MICU1: variants seen among roughly 807,000 people sequenced by gnomAD.
MICU1 encodes the protein calcium uptake protein 1, mitochondrial.
In MICU1, 45 loss-of-function variants were observed where a neutral mutation model predicts 56.8. The observed-to-expected ratio is 0.79, with a 90% CI of 0.62 to 1.02. The LOEUF is 1.02. MICU1 is among the 50% of genes least tolerant of loss of function. The probability of loss-of-function intolerance (pLI) is 0.00; values close to 1 mark genes in which losing one functional copy is unlikely to be tolerated. For missense variants in MICU1, 504 were observed against 587.1 expected (o/e 0.86, Z 1.46); for synonymous variants, 186 against 195.1 (o/e 0.95, Z 0.39).
intron 9 of MICU1, among the ~76,000 whole-genome samples, chr10:72,414,472 C>T (rs1863919892): frequency 6.6e-6 from 1 of 151,984 alleles, no homozygotes; most frequent in South Asian, 2.1e-4. Flanking sequence ...ATGAAATGTC[C>T]AGTAAATGCA....
intron 6 of MICU1, among the ~76,000 whole-genome samples, chr10:72,480,651 GA>G (rs760958176): frequency 3.9e-5 from 6 of 152,212 alleles, no homozygotes; most frequent in Non-Finnish European, 7.3e-5. Context: ...ATAGAAATAG[GA>G]AAACATTTGA....
intron 1 of MICU1, among the ~76,000 whole-genome samples, chr10:72,579,084 A>G (rs912005203): frequency 2.6e-5 from 4 of 151,792 alleles, no homozygotes; most frequent in Non-Finnish European, 5.9e-5. Context: ...AAATACCATC[A>G]CTCTCCCTAG....
intron 7 of MICU1, among the ~76,000 whole-genome samples, 157 bp from the exon 8 acceptor site, chr10:72,475,454 A>G (rs887046645): frequency 2.0e-5 from 3 of 150,730 alleles, no homozygotes; most frequent in African/African-American, 7.3e-5. Context: ...TTTGAGACAG[A>G]GTCTCTCTCT....
intron 8 of MICU1, among the ~76,000 whole-genome samples, chr10:72,439,926 A>G (rs929398319): frequency 6.6e-6 from 1 of 152,252 alleles, no homozygotes; most frequent in African/African-American, 2.4e-5. Flanking sequence ...AGAACATTCC[A>G]TGCTCATGGA....
At chr10:72,517,741 C>A (rs1867692322) in intron 5 of MICU1, among the ~76,000 whole-genome samples, 1 of 151,186 alleles carries the variant, frequency 6.6e-6, no homozygotes, top group African/African-American at 2.4e-5. Flanking sequence ...ACTCATGGAA[C>A]CAAATACCAC....
chr10:72,522,625 C>T (rs932524859), intron 5 of MICU1, among the ~76,000 whole-genome samples: 8 of 152,100 alleles, frequency 5.3e-5, no homozygotes, highest in Non-Finnish European at 1.2e-4. Context: ...CTCCTCACAG[C>T]AGTCTAAGTA....
chr10:72,566,713 G>T lies in MICU1; in HGVS notation c.81C>A (p.Ile27=). ...CCATCATTAGTCTTCGCCGGATCTG[G>T]ATGGGCTGTGATCCTCCATGGTACC... ...SRWYHGGSQP[I]QIRRRLMMVA... is the part of the protein sequence containing the mutation. Residue 27 remains isoleucine (I), a synonymous_variant, in exon 2 of 12, where the codon ATC becomes ATA. Coordinates refer to ENST00000361114, the MANE Select transcript of MICU1 (RefSeq NM_001195518.2). 1.2e-6 allele frequency: 2 copies of T among 1,612,662 alleles called. No individual in the cohort carries two copies. Among genetic ancestry groups the T allele is most frequent in the Admixed American group, 3.3e-5 (2 of 59,802 alleles).
intron 8 of MICU1, among the ~76,000 whole-genome samples, chr10:72,457,215 CTT>C (rs372652226): frequency 5.2e-4 from 69 of 131,688 alleles, no homozygotes; most frequent in Non-Finnish European, 5.7e-4. Context: ...TTACTTCCTA[CTT>C]TTTTTTTTTT....
chr10:72,418,388 A>T (rs370818766), intron 9 of MICU1, among the ~76,000 whole-genome samples: 114 of 152,334 alleles, frequency 7.5e-4, no homozygotes, highest in African/African-American at 2.6e-3. Context: ...ATCCTATAGT[A>T]GAGAAGCACT....
At chr10:72,472,419 T>C (rs751698985) in intron 8 of MICU1, among the ~76,000 whole-genome samples, 1 of 152,228 alleles carries the variant, frequency 6.6e-6, no homozygotes, top group Non-Finnish European at 1.5e-5. Context: ...TTCCTCTGTA[T>C]GCGATGAAGA....
intron 1 of MICU1, among the ~76,000 whole-genome samples, chr10:72,580,388 T>C (rs1465983398): frequency 6.6e-6 from 1 of 152,190 alleles, no homozygotes; most frequent in Non-Finnish European, 1.5e-5. Context: ...TCAATACTTT[T>C]CCAATTCAAT....
intron 10 of MICU1, among the ~76,000 whole-genome samples, chr10:72,390,977 C>A (rs951620787): frequency 6.6e-6 from 1 of 152,218 alleles, no homozygotes; most frequent in South Asian, 2.1e-4. Flanking sequence ...TTATCAACTT[C>A]ATAATAGAAG....
chr10:72,542,345 C>T (rs1839793372), intron 4 of MICU1, among the ~76,000 whole-genome samples: 1 of 152,194 alleles, frequency 6.6e-6, no homozygotes, highest in South Asian at 2.1e-4. Context: ...CCAATCCCTG[C>T]TCTGTACTAA....
chr10:72,621,600 T>C (rs192703494), intron 1 of MICU1, among the ~76,000 whole-genome samples: 27 of 152,340 alleles, frequency 1.8e-4, no homozygotes, highest in African/African-American at 6.3e-4. Context: ...ACAACATGTA[T>C]TTAAATATTT....
At chr10:72,420,756 C>T (rs11812277) in intron 9 of MICU1, among the ~76,000 whole-genome samples, 6,219 of 151,626 alleles carry the variant, frequency 0.041, 419 homozygotes, top group African/African-American at 0.14. Flanking sequence ...CTAACTGCAG[C>T]TTCAACCTCC....
chr10:72,493,924 CT>C (rs1866751278), intron 6 of MICU1, among the ~76,000 whole-genome samples: 1 of 152,262 alleles, frequency 6.6e-6, no homozygotes, highest in South Asian at 2.1e-4. Context: ...CTCACCAATA[CT>C]ATATAGTCAA....
intron 1 of MICU1, among the ~76,000 whole-genome samples, chr10:72,606,911 C>T (rs1054737435): frequency 3.9e-5 from 6 of 152,150 alleles, no homozygotes; most frequent in African/African-American, 1.4e-4. Flanking sequence ...TCCATAAAAA[C>T]CTAAAAGGAC....
At chr10:72,447,651 T>G (rs188675104) in intron 8 of MICU1, among the ~76,000 whole-genome samples, 1 of 151,904 alleles carries the variant, frequency 6.6e-6, no homozygotes, top group Admixed American at 6.6e-5. Context: ...TACGAAAAAA[T>G]CATTGGTGTA....
At position 72,477,211 on chromosome 10, in the gene MICU1, T is replaced by C; in HGVS notation, c.698A>G (p.Asn233Ser). 1 of 1,549,398 alleles carries C rather than the reference T, an allele frequency of 6.5e-7. No individual in the cohort carries two copies. The highest frequency in any genetic ancestry group is 8.7e-7 in the Non-Finnish European group (1 of 1,146,634). ...TTCCATATCTACTTCTCCATCTCCA[T>C]TCAAATCAAACATCTTGAAGGCAAT... ...FEIAFKMFDL[N>S]GDGEVDMEEF... Residue 233 changes from asparagine to serine, a missense_variant, in exon 7 of 12, where the codon AAT (asparagine) becomes AGT (serine). Coordinates refer to ENST00000361114, the MANE Select transcript of MICU1 (RefSeq NM_001195518.2).
Sources: gnomAD v4.1 joint callset for allele counts (sites outside exome capture counted in the v4.1 genomes callset) on GRCh38, gnomAD v4.1.1 for gene constraint, MANE v1.5 for transcripts, NCBI Gene and HGNC (gene_info 2026-07-23, HGNC 2026-07-21) for gene names.